Variants in SETBP1 observed in about 807,000 individuals in gnomAD.
The protein encoded by SETBP1 is SET-binding protein.
In SETBP1, 9 loss-of-function variants were observed where a neutral mutation model predicts 101.0. The observed-to-expected ratio is 0.09, with a 90% CI of 0.05 to 0.16. The LOEUF (loss-of-function observed/expected upper bound fraction) is 0.16, where lower values mean the gene tolerates loss of function less well. Ranked by LOEUF, SETBP1 falls within the 10% of genes least tolerant of loss-of-function variation. The pLI is 1.00. For synonymous variants in SETBP1, 818 were observed against 788.5 expected, an observed-to-expected ratio of 1.04 and a Z score of -0.63; for missense variants, 1,858 against 2,033.8, an observed-to-expected ratio of 0.91 and a Z score of 1.66.
intron 4 of SETBP1, among the ~76,000 whole-genome samples, chr18:44,977,176 G>A (rs1246967999): frequency 5.3e-5 from 8 of 152,178 alleles, no homozygotes; most frequent in African/African-American, 1.9e-4. Flanking sequence ...CTCACCAGAT[G>A]TGTTCTTTCT....
Position 44,950,452 on chromosome 18 carries a change from G to T in SETBP1, c.1112G>T (p.Gly371Val), listed in dbSNP as rs774075566. ...AFDNTEGKREGYSADSAQEAS... is the reference protein window; with the variant it reads ...AFDNTEGKREVYSADSAQEAS... ...GACAATACAGAAGGGAAAAGGGAAG[G>T]TTATTCCGCAGATAGTGCCCAAGAG... Residue 371 changes from glycine to valine, a missense_variant, in exon 4 of 6, where the codon GGT (glycine) becomes GTT (valine). This residue lies in a region of SETBP1 where 581 missense variants were observed against 535.1 expected (regional missense o/e 1.09). Coordinates refer to ENST00000649279, the MANE Select transcript of SETBP1 (RefSeq NM_015559.3). 2.7e-5 allele frequency: 44 copies of T among 1,614,034 alleles called. No individual in the cohort carries two copies. The Admixed American group carries it at 6.0e-4, about 22-fold the overall frequency.
At position 45,067,121 on chromosome 18, in the gene SETBP1, T is replaced by A. The variant is rs540371984; in HGVS notation, c.*3423T>A. On this transcript the variant is annotated 3_prime_UTR_variant, in exon 6 of 6. Transcript: ENST00000649279. ...CAGCCCAGAGAAGGTGACTAAGGGCTGGCAGAAGATTAGAATGTTAATTTG... is the reference window on the plus strand; with the variant it reads ...CAGCCCAGAGAAGGTGACTAAGGGCAGGCAGAAGATTAGAATGTTAATTTG... 1 of 152,344 alleles carries A rather than the reference T, an allele frequency of 6.6e-6. No homozygotes were observed. Among genetic ancestry groups the A allele is most frequent in the South Asian group, 2.1e-4 (1 of 4,824 alleles). 9.4% of individuals were successfully genotyped at this position (152,344 alleles called of 1,614,324 possible). A position where few individuals can be genotyped will look rare whatever the true frequency, so the allele number is the denominator to read the frequency against.
chr18:44,861,035 G>A (rs999088682), intron 2 of SETBP1, among the ~76,000 whole-genome samples: 12 of 151,984 alleles, frequency 7.9e-5, no homozygotes, highest in Admixed American at 1.3e-4. Flanking sequence ...AATTTAAATA[G>A]ATGTTAACAT....
At chr18:44,875,527 CAAAAAAAAA>C (rs10645515) in intron 3 of SETBP1, among the ~76,000 whole-genome samples, 2 of 61,610 alleles carry the variant, frequency 3.2e-5, no homozygotes, top group African/African-American at 1.5e-4. Context: ...GACTCCATCT[CAAAAAAAAA>C]AAAAAAAAAA....
At chr18:44,874,459 G>A (rs936042886) in intron 3 of SETBP1, among the ~76,000 whole-genome samples, 2 of 152,128 alleles carry the variant, frequency 1.3e-5, no homozygotes, top group South Asian at 4.2e-4. Context: ...AAACCAAGAG[G>A]GCATCAAGCA....
At chr18:45,029,346 G>T (rs577134409) in intron 4 of SETBP1, among the ~76,000 whole-genome samples, 2,616 of 151,866 alleles carry the variant, frequency 0.017, 71 homozygotes, top group African/African-American at 0.059. Flanking sequence ...ATTTCTGAGG[G>T]CTCTGTTCTG....
chr18:44,858,423 C>A (rs17724409), intron 2 of SETBP1, among the ~76,000 whole-genome samples: 15,798 of 152,220 alleles, frequency 0.1, 953 homozygotes, highest in Middle Eastern at 0.15. Flanking sequence ...ATTTTCATTT[C>A]AACCAATGGC....
chr18:44,701,680 C>T lies in SETBP1; in HGVS notation c.334C>T (p.Arg112Trp), dbSNP rs2144198183. The T allele has an allele frequency of 1.9e-6, 3 of 1,614,118 alleles. No individual in the cohort carries two copies. Among genetic ancestry groups the T allele is most frequent in the South Asian group, 1.1e-5 (1 of 91,076 alleles). The part of the protein sequence containing the change: ...SLKLKIQTTK[R>W]AKKPPKNLEN... ...GAAGCTAAAGATTCAGACCACAAAG[C>T]GGGCTAAGAAACCCCCAAAGAATTT... The change falls in exon 2 of 6, where the codon CGG (arginine) becomes TGG (tryptophan). Residue 112 changes from arginine (R) to tryptophan (W), a missense_variant. Physicochemically the swap from Arg to Trp is moderately radical, Grantham distance 101. Coordinates refer to ENST00000649279, the MANE Select transcript of SETBP1 (RefSeq NM_015559.3).
chr18:44,851,995 G>A lies in SETBP1; in HGVS notation c.487-17235G>A, dbSNP rs562687652. On this transcript the variant is annotated intron_variant, in intron 2 of 5. Transcript: ENST00000649279. ...CTTCCACGCCCTCCCAGGTGCAGGCGGTTCTAGGAAGCGAATAAGAGCCTC... is the reference window on the plus strand; with the variant it reads ...CTTCCACGCCCTCCCAGGTGCAGGCAGTTCTAGGAAGCGAATAAGAGCCTC... Among the ~76,000 whole-genome samples, 10 of 152,290 alleles carry A rather than the reference G, an allele frequency of 6.6e-5. No homozygotes were observed. In the South Asian group the frequency reaches 1.2e-3, roughly 19 times the overall value.
chr18:44,761,137 T>A (rs1301217419), intron 2 of SETBP1, among the ~76,000 whole-genome samples: 1 of 152,242 alleles, frequency 6.6e-6, no homozygotes, highest in Non-Finnish European at 1.5e-5. Context: ...TTTTAAAAAA[T>A]TTATAATTGA....
At chr18:44,745,992 G>A (rs962371924) in intron 2 of SETBP1, among the ~76,000 whole-genome samples, 1 of 152,178 alleles carries the variant, frequency 6.6e-6, no homozygotes, top group Non-Finnish European at 1.5e-5. Flanking sequence ...GGAGTGAAGA[G>A]AGAGCTTGAA....
chr18:44,779,387 AC>A (rs1251225154), intron 2 of SETBP1, among the ~76,000 whole-genome samples: 1 of 152,258 alleles, frequency 6.6e-6, no homozygotes, highest in Non-Finnish European at 1.5e-5. Flanking sequence ...CTCTCTCCAA[AC>A]CAGGAGTAGA....
intron 4 of SETBP1, among the ~76,000 whole-genome samples, chr18:44,999,675 T>C (rs1046024704): frequency 4.6e-5 from 7 of 152,222 alleles, no homozygotes; most frequent in Admixed American, 2.0e-4. Flanking sequence ...GTAATAGATA[T>C]CATGTTGTCT....
intron 3 of SETBP1, among the ~76,000 whole-genome samples, chr18:44,914,409 A>G (rs973655604): frequency 2.0e-5 from 3 of 152,228 alleles, no homozygotes; most frequent in Non-Finnish European, 2.9e-5. Flanking sequence ...TTGCTTTGCC[A>G]TGTCAACATC....
chr18:44,735,592 C>T (rs544827593), intron 2 of SETBP1, among the ~76,000 whole-genome samples: 6 of 152,226 alleles, frequency 3.9e-5, no homozygotes, highest in South Asian at 2.1e-4. Context: ...ATGGCTTAGG[C>T]GGGGGTACCT....
intron 3 of SETBP1, among the ~76,000 whole-genome samples, chr18:44,939,624 G>T (rs2071041708): frequency 6.6e-6 from 1 of 152,158 alleles, no homozygotes; most frequent in Non-Finnish European, 1.5e-5. Flanking sequence ...TAAAAGACAT[G>T]CTGAGAGATC....
Position 45,063,723 on chromosome 18 carries a change from G to C in SETBP1, c.*25G>C. 6.3e-7 allele frequency: 1 copy of C among 1,595,682 alleles called. No homozygotes were observed. Among genetic ancestry groups the C allele is most frequent in the Non-Finnish European group, 8.5e-7 (1 of 1,171,522 alleles). ...GGGCGGGTCTGGGCGTCTGCACCTG[G>C]GGCCTAGGGAACTGACACGTGGGAA... is the stretch of plus-strand genomic sequence containing the variant. On this transcript the variant is annotated 3_prime_UTR_variant, in exon 6 of 6. Transcript: ENST00000649279.
chr18:44,956,416 T>C (rs938466474), intron 4 of SETBP1, among the ~76,000 whole-genome samples: 2 of 152,074 alleles, frequency 1.3e-5, no homozygotes, highest in African/African-American at 4.8e-5. Context: ...CTGAGCTTAC[T>C]AGATGCATTA....
At chr18:44,995,041 C>T (rs770992086) in intron 4 of SETBP1, among the ~76,000 whole-genome samples, 1 of 151,474 alleles carries the variant, frequency 6.6e-6, no homozygotes, top group Non-Finnish European at 1.5e-5. Context: ...GCACCTCTTG[C>T]ATGTTGGGAG....
Sources: allele counts gnomAD v4.1 joint callset (sites outside exome capture counted in the v4.1 genomes callset), GRCh38; gene constraint gnomAD v4.1.1; regional missense constraint gnomAD v4.1.1; transcripts MANE v1.5; gene names NCBI Gene and HGNC (gene_info 2026-07-23, HGNC 2026-07-21).